WIPF1: variants seen among roughly 807,000 people sequenced by gnomAD.
WIPF1 encodes the protein WAS/WASL interacting protein family member 1.
In WIPF1, 13 loss-of-function variants were observed where a neutral mutation model predicts 35.4. That is an observed-to-expected ratio of 0.37 (90% CI 0.24 to 0.58). The LOEUF (loss-of-function observed/expected upper bound fraction) is 0.58. Among genes scored for constraint, WIPF1 ranks in the 20% least tolerant of loss-of-function variants. The pLI is 0.74. For synonymous variants in WIPF1, 267 were observed against 266.3 expected, an observed-to-expected ratio of 1.00 and a Z score of -0.02; for missense variants, 591 against 667.0, an observed-to-expected ratio of 0.89 and a Z score of 1.25.
At chr2:174,636,766 G>GT (rs1687189137) in intron 1 of WIPF1, among the ~76,000 whole-genome samples, 1 of 152,206 alleles carries the variant, frequency 6.6e-6, no homozygotes, top group South Asian at 2.1e-4. Flanking sequence ...ACAAATGGGT[G>GT]TTTTTCTCTT....
upstream of WIPF1, among the ~76,000 whole-genome samples, chr2:174,602,259 T>A (rs980916361): frequency 3.3e-5 from 5 of 152,162 alleles, no homozygotes; most frequent in Non-Finnish European, 2.9e-5. Context: ...AAAACAATAA[T>A]GTAGGTCTAG....
chr2:174,661,725 A>C (rs1307610599), intron 1 of WIPF1, among the ~76,000 whole-genome samples: 1 of 152,108 alleles, frequency 6.6e-6, no homozygotes, highest in Non-Finnish European at 1.5e-5. Context: ...CCTTGCCTTA[A>C]GCACACCTCA....
At chr2:174,644,475 A>T (rs562996720) in intron 1 of WIPF1, among the ~76,000 whole-genome samples, 40 of 133,668 alleles carry the variant, frequency 3.0e-4, no homozygotes, top group African/African-American at 1.0e-3. Context: ...AGCTTTCACA[A>T]ATAATGTGGG....
At chr2:174,637,232 A>T (rs1010045976) in intron 1 of WIPF1, among the ~76,000 whole-genome samples, 3 of 149,498 alleles carry the variant, frequency 2.0e-5, no homozygotes, top group African/African-American at 7.4e-5. Context: ...ACTCCTATCA[A>T]TTTTTTTTTT....
intron 1 of WIPF1, among the ~76,000 whole-genome samples, chr2:174,669,349 C>A (rs528964376): frequency 6.6e-5 from 10 of 152,162 alleles, no homozygotes; most frequent in Non-Finnish European, 8.8e-5. Flanking sequence ...ATCTCTAGAC[C>A]TGTTTAATTG....
chr2:174,572,106 G>A lies in WIPF1; in HGVS notation c.699C>T (p.Gly233=). Residue 233 remains glycine (G), a synonymous_variant, in exon 5 of 8, where the codon GGC becomes GGT. Transcript: ENST00000679041. ...AGCTCAAGGGGGACTGACGTATTGA[G>A]CCTCCTCCCAAAGCAGTGCCGCGGT... ...PGNRGTALGG[G]SIRQSPLSSS... is the part of the protein sequence containing the mutation. 1.3e-6 allele frequency: 2 copies of A among 1,598,304 alleles called. No homozygotes were observed. The highest frequency in any genetic ancestry group is 1.1e-5 in the South Asian group (1 of 88,864).
intron 1 of WIPF1, among the ~76,000 whole-genome samples, chr2:174,661,767 G>A (rs1172620604): frequency 6.6e-6 from 1 of 152,162 alleles, no homozygotes; most frequent in Non-Finnish European, 1.5e-5. Context: ...TTTGTTGAAT[G>A]AATAGATCAA....
intron 1 of WIPF1, among the ~76,000 whole-genome samples, chr2:174,658,253 C>T (rs558382714): frequency 6.6e-6 from 1 of 152,188 alleles, no homozygotes; most frequent in East Asian, 1.9e-4. Flanking sequence ...TAACCTCACA[C>T]CCACACAAAA....
At chr2:174,680,057 C>T (rs1304114717) in intron 1 of WIPF1, among the ~76,000 whole-genome samples, 2 of 152,218 alleles carry the variant, frequency 1.3e-5, no homozygotes, top group African/African-American at 2.4e-5. Flanking sequence ...TCCAGCTGGA[C>T]TCCTCTGAAT....
At chr2:174,580,756 A>C (rs1466037080) in intron 3 of WIPF1, among the ~76,000 whole-genome samples, 1 of 152,148 alleles carries the variant, frequency 6.6e-6, no homozygotes, top group Non-Finnish European at 1.5e-5. Context: ...TTGTGACCTC[A>C]TTTTCTTTCT....
intron 1 of WIPF1, among the ~76,000 whole-genome samples, chr2:174,616,954 C>T (rs1042150891): frequency 6.6e-6 from 1 of 151,854 alleles, no homozygotes; most frequent in African/African-American, 2.4e-5. Flanking sequence ...TGTCTCACAA[C>T]TGATGATTTA....
chr2:174,652,241 AT>A (rs1224766785), intron 1 of WIPF1, among the ~76,000 whole-genome samples: 2 of 152,192 alleles, frequency 1.3e-5, no homozygotes, highest in East Asian at 3.9e-4. Flanking sequence ...GAGTCAACGT[AT>A]TTACAATCAT....
intron 7 of WIPF1, 58 bp downstream of exon 7, chr2:174,567,012 G>A (rs771421573): frequency 2.5e-5 from 38 of 1,541,830 alleles, no homozygotes; most frequent in Middle Eastern, 1.7e-4. Context: ...TATATAGCCC[G>A]AGTGTCACTC....
intron 5 of WIPF1, among the ~76,000 whole-genome samples, chr2:174,569,915 T>A (rs1684778212): frequency 6.6e-6 from 1 of 152,164 alleles, no homozygotes; most frequent in Non-Finnish European, 1.5e-5. Flanking sequence ...TCTCATACGC[T>A]CCTTGTGGGA....
intron 1 of WIPF1, among the ~76,000 whole-genome samples, chr2:174,614,075 C>T (rs1255146607): frequency 6.6e-6 from 1 of 152,136 alleles, no homozygotes; most frequent in Admixed American, 6.5e-5. Flanking sequence ...TCACTAGACT[C>T]AATGAACACA....
chr2:174,585,391 G>T, intron 2 of WIPF1, 132 bp downstream of exon 2: 3 of 923,624 alleles, frequency 3.2e-6, no homozygotes, highest in South Asian at 1.5e-5. Flanking sequence ...CTTACCCTGG[G>T]CACTGGGAAA....
intron 1 of WIPF1, among the ~76,000 whole-genome samples, chr2:174,653,286 C>A (rs186448514): frequency 6.6e-6 from 1 of 152,292 alleles, no homozygotes; most frequent in Non-Finnish European, 1.5e-5. Context: ...GAGTGGCCAA[C>A]AAGCAGGGGC....
chr2:174,676,599 C>G (rs941693120), intron 1 of WIPF1: 6 of 152,106 alleles, frequency 3.9e-5, no homozygotes, highest in African/African-American at 1.2e-4. Context: ...AGCCACCACA[C>G]CCGGTCTTGC....
At position 174,620,600 on chromosome 2, in the gene WIPF1, A is replaced by T. The variant is rs371482427; in HGVS notation, c.-38-34989T>A. Among the ~76,000 whole-genome samples the T allele has an allele frequency of 2.0e-5, 3 of 152,226 alleles. No homozygotes were observed. The South Asian group carries it at 6.2e-4, about 31-fold the overall frequency. ...TTAAAATATTCAGCACATACCCATTATCCTCTCATCCAGCCAACATTTACT... is the reference window on the plus strand; with the variant it reads ...TTAAAATATTCAGCACATACCCATTTTCCTCTCATCCAGCCAACATTTACT... On this transcript the variant is annotated intron_variant, in intron 1 of 8. Transcript: ENST00000272746.
Sources: gnomAD v4.1 joint callset for allele counts (sites outside exome capture counted in the v4.1 genomes callset) on GRCh38, gnomAD v4.1.1 for gene constraint, MANE v1.5 for transcripts, NCBI Gene and HGNC (gene_info 2026-07-23, HGNC 2026-07-21) for gene names.